Variants in RECQL5 observed in about 807,000 individuals in gnomAD.
RECQL5 encodes RecQ like helicase 5.
In RECQL5, 88 loss-of-function variants were observed where a neutral mutation model predicts 103.4. The observed-to-expected ratio is 0.85, with a 90% CI of 0.72 to 1.02. The LOEUF is 1.02. Among genes scored for constraint, RECQL5 ranks in the 50% least tolerant of loss-of-function variants. The pLI is 0.00. For missense variants in RECQL5, 1,232 were observed against 1,284.3 expected (o/e 0.96, Z 0.62); for synonymous variants, 552 against 507.9 (o/e 1.09, Z -1.17).
At chr17:75,647,623 C>G in intron 8 of RECQL5, 1 of 1,502,812 alleles carries the variant, frequency 6.7e-7, no homozygotes. Context: ...TGCCCCCATT[C>G]CAGTGGTGGG....
At chr17:75,650,372 T>G in intron 8 of RECQL5, 1 of 1,173,900 alleles carries the variant, frequency 8.5e-7, no homozygotes, top group Non-Finnish European at 1.1e-6. Context: ...TTTCTCTGAT[T>G]TCCTCGCTTT....
At chr17:75,647,314 C>T (rs1332960975) in intron 8 of RECQL5, 16 of 1,451,834 alleles carry the variant, frequency 1.1e-5, no homozygotes, top group Non-Finnish European at 1.5e-5. Flanking sequence ...AGCATAGCAC[C>T]TGGGACAGGG....
At position 75,627,536 on chromosome 17, in the gene RECQL5, G is replaced by A; in HGVS notation, c.2876-14C>T. On this transcript the variant is annotated splice_polypyrimidine_tract_variant and intron_variant, in intron 19 of 19. Transcript: ENST00000317905. The stretch of plus-strand genomic sequence containing the variant: ...CCTCTTCTTTCACTACAGATTCAGG[G>A]TGGGGGCATGAGGAGGTGAGCGTTA... 6.2e-7 allele frequency: 1 copy of A among 1,613,526 alleles called. No individual in the cohort carries two copies. The highest frequency in any genetic ancestry group is 8.5e-7 in the Non-Finnish European group (1 of 1,179,586).
intron 8 of RECQL5, chr17:75,637,638 G>A (rs1238497859): frequency 6.6e-6 from 1 of 152,322 alleles, no homozygotes; most frequent in Admixed American, 6.5e-5. Context: ...AAGGACTCCA[G>A]GTAGTCTCAA....
rs1302223523 is a variant in RECQL5 at position 75,627,703 on chromosome 17, G to A, written c.2806-11C>T. The A allele has an allele frequency of 1.3e-6, 2 of 1,596,288 alleles. No homozygotes were observed. Among genetic ancestry groups the A allele is most frequent in the Admixed American group, 1.8e-5 (1 of 56,828 alleles). ...GCCTTTAAACAACTCCTGGAAGGGA[G>A]AGGGAGAAGAGAAGCAGAGAGCAGG... On this transcript the variant is annotated splice_polypyrimidine_tract_variant and intron_variant, in intron 18 of 19. Transcript: ENST00000317905.
intron 7 of RECQL5, among the ~76,000 whole-genome samples, chr17:75,657,420 C>T (rs1399495009): frequency 6.6e-6 from 1 of 151,998 alleles, no homozygotes. Flanking sequence ...CAAGGCAGTA[C>T]TGATCTTGAC....
intron 8 of RECQL5, chr17:75,635,728 G>C (rs550063179): frequency 3.3e-6 from 3 of 914,426 alleles, no homozygotes; most frequent in East Asian, 1.2e-4. Flanking sequence ...AACAGGGCAA[G>C]GGTGACTAAA....
chr17:75,629,822 G>A lies in RECQL5; in HGVS notation c.1833C>T (p.Ala611=). 1 of 1,611,748 alleles carries A rather than the reference G, an allele frequency of 6.2e-7. No homozygotes were observed. Among genetic ancestry groups the A allele is most frequent in the Non-Finnish European group, 8.5e-7 (1 of 1,178,670 alleles). The part of the protein sequence containing the change: ...VLKKVADIHR[A]SKDGQPYDMG... ...TGTCATAGGGCTGCCCATCCTTGGA[G>A]GCTCTGTGGATATCGGCCACCTGGG... Residue 611 remains alanine (A), a synonymous_variant, in exon 15 of 20, where the codon GCC becomes GCT. Transcript: ENST00000317905.
At position 75,658,319 on chromosome 17, in the gene RECQL5, C is replaced by A. The variant is rs764641891; in HGVS notation, c.1128G>T (p.Arg376Ser). The A allele has an allele frequency of 6.2e-6, 10 of 1,613,896 alleles. No individual in the cohort carries two copies. The East Asian group carries it at 2.2e-4, about 36-fold the overall frequency. The change falls in exon 7 of 20, where the codon AGG becomes AGT. Residue 376 changes from arginine to serine, a missense_variant. By Grantham distance (110) the Arg-to-Ser change is moderately radical. Coordinates refer to ENST00000317905, the MANE Select transcript of RECQL5 (RefSeq NM_004259.7). ...TTACCTGGAGTTTTGCTACTTCCTTCCTGATCAGGAAGCTGACTTGGTCCC... is the reference window on the plus strand; with the variant it reads ...TTACCTGGAGTTTTGCTACTTCCTTACTGATCAGGAAGCTGACTTGGTCCC... ...NDRDQVSFLI[R>S]KEVAKLQEKR...
intron 8 of RECQL5, chr17:75,633,477 C>G (rs1328113434): frequency 3.1e-6 from 4 of 1,288,984 alleles, no homozygotes; most frequent in Non-Finnish European, 4.0e-6. Context: ...GAACATGAGG[C>G]GCCTTGCCGG....
rs1276973457 is a variant in RECQL5, at chr17:75,627,080, G to A, written c.*342C>T. The A allele has an allele frequency of 4.2e-6, 2 of 473,794 alleles. No individual in the cohort carries two copies. The highest frequency in any genetic ancestry group is 6.1e-5 in the East Asian group (1 of 16,486). 29.3% of individuals were successfully genotyped at this position (473,794 alleles called of 1,614,324 possible). ...TAGGTTCCGATACCTTGGACAGGTG[G>A]GCCTCATCCTGACTTAGAACTCGGG... On this transcript the variant is annotated 3_prime_UTR_variant, in exon 20 of 20. Coordinates refer to ENST00000317905, the MANE Select transcript of RECQL5 (RefSeq NM_004259.7).
rs535141879 is a variant in RECQL5, at chr17:75,653,917, C to A, written c.1150-2652G>T. 1.2e-4 allele frequency among the ~76,000 whole-genome samples: 17 copies of A among 145,598 alleles called. No homozygotes were observed. The East Asian group carries it at 1.4e-3, about 12-fold the overall frequency. ...AAAAACAAAACAAAACAAAACAAAA[C>A]AAAAAAAAAACCCCAAAAAAACAAA... On this transcript the variant is annotated intron_variant, in intron 7 of 19. Coordinates refer to ENST00000317905, the MANE Select transcript of RECQL5 (RefSeq NM_004259.7).
Position 75,628,381 on chromosome 17 carries a change from G to C in RECQL5, c.2642C>G (p.Ala881Gly). 6.2e-7 allele frequency: 1 copy of C among 1,614,046 alleles called. No individual in the cohort carries two copies. ...PRPSAKPSVVAEVKGSVSASE... is the reference protein window; with the variant it reads ...PRPSAKPSVVGEVKGSVSASE... ...GGCCGAGACGCTGCCCTTGACCTCA[G>C]CTACGACGGAGGGCTTGGCTGAGGG... is the stretch of plus-strand genomic sequence containing the variant. Residue 881 changes from alanine to glycine, a missense_variant, in exon 18 of 20, where the codon GCT becomes GGT. Transcript: ENST00000317905.
In RECQL5 at chr17:75,667,066, A is replaced by C. The variant is rs2059797572; in HGVS notation, c.-37T>G. 1 of 358,442 alleles carries C rather than the reference A, an allele frequency of 2.8e-6. No homozygotes were observed. Among genetic ancestry groups the C allele is most frequent in the Admixed American group, 4.7e-5 (1 of 21,312 alleles). 22.2% of individuals were successfully genotyped at this position (358,442 alleles called of 1,614,324 possible). On this transcript the variant is annotated 5_prime_UTR_variant, in exon 1 of 20. Transcript: ENST00000317905. The stretch of plus-strand genomic sequence containing the variant: ...TATCAGAACCGGCCGTGGTCCGCCC[A>C]AGAATTAAAGGCTGCTGGCTGGTTC...
At chr17:75,631,350 G>C in intron 9 of RECQL5, 100 bp downstream of exon 9, 1 of 1,526,334 alleles carries the variant, frequency 6.6e-7, no homozygotes, top group Non-Finnish European at 9.1e-7. Context: ...ACCAGCTCAA[G>C]GGGGGATTGC....
Position 75,627,249 on chromosome 17 carries a change from G to GGGGGTGTCT in RECQL5, c.*172_*173insAGACACCCC. On this transcript the variant is annotated 3_prime_UTR_variant, in exon 20 of 20. Transcript: ENST00000317905. The stretch of plus-strand genomic sequence containing the variant: ...GCTTTGCAAGCAGAAAGAAAGGTGG[G>GGGGGTGTCT]CTGACCTCTGACCTGGATTCAGGGG... 1.5e-6 allele frequency: 1 copy of GGGGGTGTCT among 685,728 alleles called. No homozygotes were observed. Among genetic ancestry groups the GGGGGTGTCT allele is most frequent in the Non-Finnish European group, 2.6e-6 (1 of 377,466 alleles). 42.5% of individuals were successfully genotyped at this position (685,728 alleles called of 1,614,324 possible). A position where few individuals can be genotyped will look rare whatever the true frequency, so the allele number is the denominator to read the frequency against.
At chr17:75,663,402 T>A (rs1055150972) in intron 3 of RECQL5, among the ~76,000 whole-genome samples, 17 of 151,720 alleles carry the variant, frequency 1.1e-4, no homozygotes, top group South Asian at 2.1e-4. Flanking sequence ...ATATTAAAAA[T>A]AATAATAATA....
Position 75,650,158 on chromosome 17 carries a change from T to C in RECQL5, c.1229+1028A>G, listed in dbSNP as rs569626205. 5 of 986,792 alleles carry C rather than the reference T, an allele frequency of 5.1e-6. No individual in the cohort carries two copies. The East Asian group carries it at 4.5e-4, about 89-fold the overall frequency. 61.1% of individuals were successfully genotyped at this position (986,792 alleles called of 1,614,324 possible). A position where few individuals can be genotyped will look rare whatever the true frequency, so the allele number is the denominator to read the frequency against. ...CCAAATTTAGCAACTCCCATATTAA[T>C]TGTGCTTGAAAAGGGCTCTGGTCGC... On this transcript the variant is annotated intron_variant, in intron 8 of 19. Coordinates refer to ENST00000317905, the MANE Select transcript of RECQL5 (RefSeq NM_004259.7).
At chr17:75,658,530 T>C (rs1288151369) in intron 6 of RECQL5, 70 bp from the exon 7 acceptor site, 4 of 1,477,136 alleles carry the variant, frequency 2.7e-6, no homozygotes, top group Non-Finnish European at 3.7e-6. Flanking sequence ...GGAGTAATCA[T>C]GACTAGGAGA....
Sources: allele counts gnomAD v4.1 joint callset (sites outside exome capture counted in the v4.1 genomes callset), GRCh38; gene constraint gnomAD v4.1.1; transcripts MANE v1.5; gene names NCBI Gene and HGNC (gene_info 2026-07-23, HGNC 2026-07-21).